The following LMO1 variants were observed in gnomAD, a reference collection of about 807,000 sequenced individuals.
LMO1 encodes LIM domain only 1.
A neutral mutation model predicts 18.0 loss-of-function variants in LMO1; 10 were observed. The observed-to-expected ratio is 0.55, with a 90% CI of 0.34 to 0.94. LMO1 has a LOEUF of 0.94. LMO1 is among the 40% of genes least tolerant of loss of function. The pLI is 0.02. For synonymous variants in LMO1, 77 were observed against 77.9 expected, an observed-to-expected ratio of 0.99 and a Z score of 0.06; for missense variants, 183 against 205.7, an observed-to-expected ratio of 0.89 and a Z score of 0.68.
intron 1 of LMO1, among the ~76,000 whole-genome samples, chr11:8,259,920 T>G (rs1847157745): frequency 1.3e-5 from 2 of 152,150 alleles, no homozygotes; most frequent in Non-Finnish European, 2.9e-5. Context: ...TTTTTACTTA[T>G]TAAAAATGCC....
At chr11:8,267,658 C>G (rs1345334799), upstream of LMO1, among the ~76,000 whole-genome samples, 1 of 152,204 alleles carries the variant, frequency 6.6e-6, no homozygotes, top group Non-Finnish European at 1.5e-5. Flanking sequence ...AAAAGGACTA[C>G]AAGACTACTA....
chr11:8,233,494 C>T (rs1292237444), intron 1 of LMO1, among the ~76,000 whole-genome samples: 3 of 152,220 alleles, frequency 2.0e-5, no homozygotes, highest in African/African-American at 7.2e-5. Flanking sequence ...GTCAAACAAA[C>T]AAAACAGTGG....
chr11:8,224,605 G>A lies in LMO1; in HGVS notation c.*11C>T, dbSNP rs2134504738. ...GATGGACAGACGGGCCTGGAGGCCA[G>A]GCGCCGGGCGTTACTGAACTTGGGA... is the stretch of plus-strand genomic sequence containing the variant. On this transcript the variant is annotated 3_prime_UTR_variant, in exon 4 of 4. Transcript: ENST00000335790. 6.4e-7 allele frequency: 1 copy of A among 1,558,298 alleles called. No individual in the cohort carries two copies. Among genetic ancestry groups the A allele is most frequent in the South Asian group, 1.2e-5 (1 of 86,482 alleles).
intron 2 of LMO1, 143 bp from the exon 3 acceptor site, chr11:8,227,243 A>C (rs1952564431): frequency 7.4e-7 from 1 of 1,358,152 alleles, no homozygotes; most frequent in African/African-American, 1.5e-5. Context: ...GGATAAGAGC[A>C]CTGAGGGCAG....
chr11:8,226,121 A>T (rs995889224), intron 3 of LMO1, among the ~76,000 whole-genome samples: 8 of 152,196 alleles, frequency 5.3e-5, no homozygotes, highest in Non-Finnish European at 1.2e-4. Flanking sequence ...TCACTGGAAC[A>T]TACATGCACA....
chr11:8,251,537 G>A (rs995766095), intron 1 of LMO1, among the ~76,000 whole-genome samples: 1 of 152,176 alleles, frequency 6.6e-6, no homozygotes, highest in Non-Finnish European at 1.5e-5. Flanking sequence ...TCATCCCTGC[G>A]GACTGAGAAG....
chr11:8,256,253 G>C (rs181512735), intron 1 of LMO1, among the ~76,000 whole-genome samples: 35 of 152,326 alleles, frequency 2.3e-4, no homozygotes, highest in African/African-American at 8.2e-4. Context: ...ATTCATACAA[G>C]CATGAAACTT....
At chr11:8,246,052 C>T (rs960781133) in intron 1 of LMO1, among the ~76,000 whole-genome samples, 7 of 152,134 alleles carry the variant, frequency 4.6e-5, no homozygotes, top group African/African-American at 1.7e-4. Context: ...TAGTGCTAAG[C>T]CATTCATGAG....
intron 1 of LMO1, among the ~76,000 whole-genome samples, chr11:8,255,926 C>G (rs1040406466): frequency 2.1e-5 from 3 of 142,746 alleles, no homozygotes; most frequent in Admixed American, 7.8e-5. Flanking sequence ...CCTGGGTTCA[C>G]GCCATTCTCC....
chr11:8,267,310 C>T (rs1187865376), upstream of LMO1, among the ~76,000 whole-genome samples: 1 of 152,202 alleles, frequency 6.6e-6, no homozygotes, highest in Non-Finnish European at 1.5e-5. Context: ...AAATTGAGAT[C>T]GTCCTGAGCA....
intron 1 of LMO1, among the ~76,000 whole-genome samples, chr11:8,245,882 G>A (rs1300877034): frequency 6.6e-6 from 1 of 152,132 alleles, no homozygotes; most frequent in Non-Finnish European, 1.5e-5. Flanking sequence ...CTCTGCTCCT[G>A]GTGAGTCCTC....
At chr11:8,268,452 C>T (rs748192807), upstream of LMO1, 4 of 1,456,922 alleles carry the variant, frequency 2.7e-6, no homozygotes, top group Admixed American at 4.8e-5. Flanking sequence ...ACACCATGGT[C>T]CCGACGGCTC....
intron 1 of LMO1, among the ~76,000 whole-genome samples, chr11:8,232,945 A>T (rs1952695443): frequency 1.3e-5 from 2 of 151,854 alleles, no homozygotes; most frequent in South Asian, 2.1e-4. Flanking sequence ...AGGGTTGTAA[A>T]CTCCAGCACT....
At chr11:8,241,891 G>T (rs1371303259) in intron 1 of LMO1, among the ~76,000 whole-genome samples, 1 of 151,898 alleles carries the variant, frequency 6.6e-6, no homozygotes, top group East Asian at 1.9e-4. Flanking sequence ...GTCCACTATT[G>T]TGTTCCCAGT....
At chr11:8,268,362 C>T, upstream of LMO1, 1 of 1,400,290 alleles carries the variant, frequency 7.1e-7, no homozygotes, top group Non-Finnish European at 9.5e-7. Flanking sequence ...GCAGGGCCAG[C>T]GCCGCAGTCT....
intron 1 of LMO1, among the ~76,000 whole-genome samples, chr11:8,231,505 G>A (rs1339745204): frequency 6.6e-6 from 1 of 152,218 alleles, no homozygotes; most frequent in East Asian, 1.9e-4. Context: ...ACATCCATGT[G>A]GACCCGTGAG....
At chr11:8,234,189 T>C (rs1038491399) in intron 1 of LMO1, among the ~76,000 whole-genome samples, 1 of 152,114 alleles carries the variant, frequency 6.6e-6, no homozygotes, top group African/African-American at 2.4e-5. Flanking sequence ...GCAGGGCTGC[T>C]GGTGGAAGGA....
chr11:8,241,908 C>A (rs1846801969), intron 1 of LMO1, among the ~76,000 whole-genome samples: 1 of 152,148 alleles, frequency 6.6e-6, no homozygotes, highest in Admixed American at 6.5e-5. Context: ...CAGTGTTGTG[C>A]CCCACAGCAG....
chr11:8,247,080 C>T (rs953354382), intron 1 of LMO1, among the ~76,000 whole-genome samples: 1 of 152,228 alleles, frequency 6.6e-6, no homozygotes, highest in African/African-American at 2.4e-5. Context: ...CTCATTTTGT[C>T]TTCCCAGGTC....
Sources: allele counts gnomAD v4.1 joint callset (sites outside exome capture counted in the v4.1 genomes callset), GRCh38; gene constraint gnomAD v4.1.1; transcripts MANE v1.5; gene names NCBI Gene and HGNC (gene_info 2026-07-23, HGNC 2026-07-21).